SMC6: variants seen among roughly 807,000 people sequenced by gnomAD.
The protein encoded by SMC6 is structural maintenance of chromosomes 6.
In SMC6, 79 loss-of-function variants were observed where a neutral mutation model predicts 142.2. The ratio of observed to expected loss-of-function variants is 0.56; its 90% confidence interval spans 0.46 to 0.67. SMC6 has a LOEUF of 0.67. Among genes scored for constraint, SMC6 ranks in the 30% least tolerant of loss-of-function variants. The probability of loss-of-function intolerance (pLI) is 0.00; values close to 1 mark genes in which losing one functional copy is unlikely to be tolerated. For synonymous variants in SMC6, 411 were observed against 412.4 expected, an observed-to-expected ratio of 1.00 and a Z score of 0.04; for missense variants, 1,072 against 1,284.0, an observed-to-expected ratio of 0.83 and a Z score of 2.52.
intron 4 of SMC6, chr2:17,740,813 G>A: frequency 2.8e-6 from 1 of 361,122 alleles, no homozygotes; most frequent in Non-Finnish European, 5.5e-6. Flanking sequence ...TCGCACCACT[G>A]CACTCCAACC....
At chr2:17,749,136 A>C (rs1209156507) in intron 2 of SMC6, among the ~76,000 whole-genome samples, 1 of 152,210 alleles carries the variant, frequency 6.6e-6, no homozygotes, top group Non-Finnish European at 1.5e-5. Flanking sequence ...ATACAGATTA[A>C]AATAGTAAAA....
intron 2 of SMC6, among the ~76,000 whole-genome samples, chr2:17,750,776 G>T (rs139439019): frequency 6.6e-6 from 1 of 151,992 alleles, no homozygotes; most frequent in Non-Finnish European, 1.5e-5. Context: ...CAAGGCAGGC[G>T]GATCACCTGA....
At chr2:17,681,200 C>T (rs1049294099) in intron 24 of SMC6, 2 of 152,312 alleles carry the variant, frequency 1.3e-5, no homozygotes, top group African/African-American at 4.8e-5. Flanking sequence ...CCTTTCTCAG[C>T]CTTCATCGAA....
intron 5 of SMC6, 105 bp from the exon 6 acceptor site, chr2:17,731,982 A>G: frequency 5.0e-6 from 6 of 1,200,904 alleles, no homozygotes; most frequent in Non-Finnish European, 5.8e-6. Flanking sequence ...AATTTGGCCA[A>G]TTCATTTGCA....
intron 4 of SMC6, chr2:17,740,794 G>A (rs893304288): frequency 2.7e-5 from 11 of 412,634 alleles, no homozygotes; most frequent in Non-Finnish European, 4.3e-5. Context: ...AGGTTGCATT[G>A]AGCCGAGATC....
At chr2:17,731,939 C>T (rs1197134697) in intron 5 of SMC6, 62 bp from the exon 6 acceptor site, 8 of 1,515,116 alleles carry the variant, frequency 5.3e-6, no homozygotes, top group Non-Finnish European at 7.1e-6. Flanking sequence ...TACTAGGTTG[C>T]CACAGTTTTC....
intron 2 of SMC6, among the ~76,000 whole-genome samples, 186 bp downstream of exon 2, chr2:17,752,792 T>C (rs1185674113): frequency 6.6e-6 from 1 of 152,226 alleles, no homozygotes; most frequent in East Asian, 1.9e-4. Context: ...ACTGCAACCA[T>C]ATAAAAGTCA....
chr2:17,684,604 G>A (rs937575814), intron 23 of SMC6, among the ~76,000 whole-genome samples: 52 of 152,256 alleles, frequency 3.4e-4, no homozygotes, highest in African/African-American at 1.2e-3. Flanking sequence ...TGAGAGGATC[G>A]TTTGAGTCCA....
Position 17,753,611 on chromosome 2 carries a change from G to A in SMC6, c.-93+15C>T, listed in dbSNP as rs1265105388. The A allele has an allele frequency of 6.6e-6, 1 of 152,300 alleles. No individual in the cohort carries two copies. The highest frequency in any genetic ancestry group is 1.5e-5 in the Non-Finnish European group (1 of 68,096). 9.4% of individuals were successfully genotyped at this position (152,300 alleles called of 1,614,324 possible). ...CCGGAGCAAGGGAAAGCGACAGCGC[G>A]CGCCTTCACCCTACCGCCAACAAGT... On this transcript the variant is annotated intron_variant, in intron 1 of 27. Transcript: ENST00000448223.
rs200129738 is a variant in SMC6, at chr2:17,666,434, T to A, written c.3147A>T (p.Thr1049=). 1.2e-6 allele frequency: 2 copies of A among 1,613,496 alleles called. No individual in the cohort carries two copies. The highest frequency in any genetic ancestry group is 2.2e-5 in the East Asian group (1 of 44,850). Residue 1049 remains threonine, a synonymous_variant, in exon 27 of 28, where the codon ACA becomes ACT. Transcript: ENST00000448223. ...SQRFRQFILL[T]PQSMSSLPSS... The stretch of plus-strand genomic sequence containing the variant: ...TAAAAAGTTACCTCATGCTTTGAGG[T>A]GTGAGCAAGATAAACTGTCTAAAAC...
Position 17,716,263 on chromosome 2 carries a change from T to C in SMC6, c.1348A>G (p.Arg450Gly). 6.2e-7 allele frequency: 1 copy of C among 1,601,302 alleles called. No homozygotes were observed. The change falls in exon 15 of 28, where the codon AGA (arginine) becomes GGA (glycine). Residue 450 changes from arginine (R) to glycine (G), a missense_variant and splice_region_variant. Arg to Gly is a moderately radical substitution (Grantham distance 125). This residue lies in a region of SMC6 where 994 missense variants were observed against 1,153.2 expected (regional missense o/e 0.86). Transcript: ENST00000448223. ...KDKEEHGKIK[R>G]EELDVKHALS... ...GCATGCTTCACATCTAATTCTTCTC[T>C]CCTAAAAAACAAAAGCAGAAAAACA...
chr2:17,737,017 G>T (rs938475979), intron 5 of SMC6, among the ~76,000 whole-genome samples: 102 of 152,280 alleles, frequency 6.7e-4, no homozygotes, highest in African/African-American at 2.3e-3. Context: ...ACATCATTTT[G>T]GTTGGTGGTG....
chr2:17,720,652 C>T (rs1006890988), intron 11 of SMC6, among the ~76,000 whole-genome samples: 1 of 152,166 alleles, frequency 6.6e-6, no homozygotes, highest in African/African-American at 2.4e-5. Flanking sequence ...GTAAAAGCTT[C>T]ATGCTCTTCT....
chr2:17,665,409 C>T lies in SMC6; in HGVS notation c.*90G>A, dbSNP rs929198727. 5 of 658,824 alleles carry T rather than the reference C, an allele frequency of 7.6e-6. No individual in the cohort carries two copies. The Admixed American group carries it at 1.7e-4, about 22-fold the overall frequency. 40.8% of individuals were successfully genotyped at this position (658,824 alleles called of 1,614,324 possible). On this transcript the variant is annotated 3_prime_UTR_variant, in exon 28 of 28. Coordinates refer to ENST00000448223, the MANE Select transcript of SMC6 (RefSeq NM_001142286.2). ...GAGTTTCTTTCATTTCAGAATGCCT[C>T]CAGTCTCATTTTATTATATCAAAGA...
intron 8 of SMC6, among the ~76,000 whole-genome samples, 165 bp downstream of exon 8, chr2:17,726,224 C>T (rs1288034486): frequency 1.3e-5 from 2 of 150,352 alleles, no homozygotes. Context: ...ATTATACTCC[C>T]ATCTTACTTA....
At chr2:17,684,660 C>G (rs573229410) in intron 23 of SMC6, among the ~76,000 whole-genome samples, 2 of 152,114 alleles carry the variant, frequency 1.3e-5, no homozygotes, top group South Asian at 4.1e-4. Context: ...TCTGTTTCTA[C>G]AAATAATAAA....
In SMC6 at chr2:17,715,032, G is replaced by C; in HGVS notation, c.1559C>G (p.Ala520Gly). The C allele has an allele frequency of 6.2e-7, 1 of 1,613,792 alleles. No homozygotes were observed. Among genetic ancestry groups the C allele is most frequent in the Non-Finnish European group, 8.5e-7 (1 of 1,179,904 alleles). Residue 520 changes from alanine to glycine, a missense_variant, in exon 16 of 28, where the codon GCT (alanine) becomes GGT (glycine). By Grantham distance (60) the Ala-to-Gly change is moderately conservative. Coordinates refer to ENST00000448223, the MANE Select transcript of SMC6 (RefSeq NM_001142286.2). ...ACIHLRDPEL[A>G]LAIESCLKGL... ...TTTTAAGCAAGATTCAATAGCCAAA[G>C]CAAGTTCTGGGTCCCGAAGATGAAT...
At chr2:17,685,254 A>T (rs1311595714) in intron 23 of SMC6, among the ~76,000 whole-genome samples, 2 of 152,132 alleles carry the variant, frequency 1.3e-5, no homozygotes. Context: ...AATTCAACAA[A>T]TTTTTTAAGA....
At chr2:17,734,935 T>C (rs180873744) in intron 5 of SMC6, among the ~76,000 whole-genome samples, 2 of 152,314 alleles carry the variant, frequency 1.3e-5, no homozygotes, top group East Asian at 3.9e-4. Flanking sequence ...TTTCGCCATG[T>C]TGGCCAGGCT....
Sources: allele counts gnomAD v4.1 joint callset (sites outside exome capture counted in the v4.1 genomes callset), GRCh38; gene constraint gnomAD v4.1.1; regional missense constraint gnomAD v4.1.1; transcripts MANE v1.5; gene names NCBI Gene and HGNC (gene_info 2026-07-23, HGNC 2026-07-21).